The following BTBD3 variants were observed in gnomAD, a reference collection of about 807,000 sequenced individuals.
BTBD3 encodes BTB/POZ domain-containing protein 3.
Under a neutral mutation model 41.6 loss-of-function variants are expected in BTBD3, and 14 were observed. That is an observed-to-expected ratio of 0.34 (90% CI 0.22 to 0.53). BTBD3 has a LOEUF of 0.53. BTBD3 is among the 20% of genes least tolerant of loss of function. The pLI is 0.95. For synonymous variants in BTBD3, 249 were observed against 233.7 expected (o/e 1.07, Z -0.60); for missense variants, 426 against 654.7 (o/e 0.65, Z 3.81).
At chr20:11,920,014 T>C (rs549059867) in intron 3 of BTBD3, among the ~76,000 whole-genome samples, 178 bp downstream of exon 3, 9 of 152,350 alleles carry the variant, frequency 5.9e-5, no homozygotes, top group African/African-American at 2.2e-4. Context: ...GGAAAGCATA[T>C]GGAATTATGC....
At chr20:11,897,652 G>A (rs987497914) in intron 1 of BTBD3, among the ~76,000 whole-genome samples, 9 of 152,082 alleles carry the variant, frequency 5.9e-5, no homozygotes, top group Admixed American at 5.9e-4. Flanking sequence ...CTTTGTCCAA[G>A]TCTCCTGCAT....
chr20:11,919,246 A>G, intron 2 of BTBD3, 70 bp downstream of exon 2: 4 of 1,471,468 alleles, frequency 2.7e-6, no homozygotes, highest in Non-Finnish European at 2.8e-6. Flanking sequence ...TAAGCCTGTA[A>G]CTTGGTGTGG....
At chr20:11,897,749 A>G (rs1415754790) in intron 1 of BTBD3, among the ~76,000 whole-genome samples, 1 of 152,096 alleles carries the variant, frequency 6.6e-6, no homozygotes, top group Admixed American at 6.5e-5. Flanking sequence ...TTGATTTTCC[A>G]TCTGCTTAAC....
chr20:11,907,717 G>C (rs2056864127), intron 1 of BTBD3, among the ~76,000 whole-genome samples: 1 of 152,292 alleles, frequency 6.6e-6, no homozygotes, highest in South Asian at 2.1e-4. Context: ...TTATACGTAG[G>C]GTTGTACAGA....
intron 1 of BTBD3, among the ~76,000 whole-genome samples, chr20:11,911,147 A>G (rs1034020976): frequency 2.5e-4 from 3 of 12,214 alleles, no homozygotes; most frequent in African/African-American, 6.2e-4. Context: ...TAAGAAAGGA[A>G]AAAAAAAAGC....
chr20:11,919,928 A>C (rs969447929), intron 3 of BTBD3, 92 bp downstream of exon 3: 12 of 1,083,278 alleles, frequency 1.1e-5, no homozygotes, highest in African/African-American at 4.7e-5. Context: ...TGCATAACAG[A>C]AAAGAAGACT....
At chr20:11,908,746 T>C (rs980972405) in intron 1 of BTBD3, among the ~76,000 whole-genome samples, 1 of 152,200 alleles carries the variant, frequency 6.6e-6, no homozygotes. Flanking sequence ...ATTTTTATTC[T>C]GATTATAATA....
intron 1 of BTBD3, among the ~76,000 whole-genome samples, chr20:11,907,906 CAG>C (rs1308264925): frequency 6.6e-6 from 1 of 152,162 alleles, no homozygotes; most frequent in African/African-American, 2.4e-5. Context: ...AAAGGTGAGA[CAG>C]AATTTCTTCC....
chr20:11,908,321 G>GTTTTTT (rs3834758), intron 1 of BTBD3, among the ~76,000 whole-genome samples: 802 of 76,974 alleles, frequency 0.01, 77 homozygotes, highest in African/African-American at 0.032. Context: ...CTTCTCTGTG[G>GTTTTTT]TTTTTTTTTT....
At chr20:11,898,699 C>T (rs1434062979) in intron 1 of BTBD3, among the ~76,000 whole-genome samples, 1 of 152,120 alleles carries the variant, frequency 6.6e-6, no homozygotes, top group Non-Finnish European at 1.5e-5. Flanking sequence ...TCCCATAAAG[C>T]AACACATGCA....
chr20:11,898,590 T>C (rs2056804685), intron 1 of BTBD3, among the ~76,000 whole-genome samples: 2 of 152,222 alleles, frequency 1.3e-5, no homozygotes, highest in Non-Finnish European at 2.9e-5. Context: ...GTATGTTTAT[T>C]AATGTGTCCT....
intron 1 of BTBD3, among the ~76,000 whole-genome samples, chr20:11,909,234 A>G (rs2056874913): frequency 6.7e-6 from 1 of 149,208 alleles, no homozygotes; most frequent in Admixed American, 6.8e-5. Context: ...AGATTGTGCC[A>G]TTGTGCTCCA....
intron 1 of BTBD3, chr20:11,909,791 C>T (rs542183202): frequency 6.6e-6 from 1 of 152,160 alleles, no homozygotes; most frequent in Admixed American, 6.6e-5. Context: ...CAAAACAAAA[C>T]AACAAAATAA....
At chr20:11,906,253 C>CTTTTTTT (rs1568610658) in intron 1 of BTBD3, among the ~76,000 whole-genome samples, 3 of 37,346 alleles carry the variant, frequency 8.0e-5, no homozygotes, top group Non-Finnish European at 1.3e-4. Context: ...TATTATTACT[C>CTTTTTTT]CTTTTTTTTT....
chr20:11,908,816 A>C (rs941869653), intron 1 of BTBD3, among the ~76,000 whole-genome samples: 1 of 152,274 alleles, frequency 6.6e-6, no homozygotes, highest in East Asian at 1.9e-4. Flanking sequence ...TATTTCCTGC[A>C]GCAAATGGTG....
At position 11,918,263 on chromosome 20, in the gene BTBD3, A is replaced by G. The variant is rs1326947893; in HGVS notation, c.-13A>G. 2 of 1,545,186 alleles carry G rather than the reference A, an allele frequency of 1.3e-6. No homozygotes were observed. Among genetic ancestry groups the G allele is most frequent in the Admixed American group, 4.1e-5 (2 of 48,210 alleles). ...TTGGGATATCTAACTCTAAAGAGAG[A>G]CACACTGTACTCATGGTAGATGACA... On this transcript the variant is annotated 5_prime_UTR_variant, in exon 1 of 4. Coordinates refer to ENST00000378226, the MANE Select transcript of BTBD3 (RefSeq NM_014962.4).
chr20:11,921,580 C>T (rs1379790874), intron 3 of BTBD3: 2 of 152,342 alleles, frequency 1.3e-5, no homozygotes, highest in South Asian at 2.1e-4. Flanking sequence ...CATCACTGAG[C>T]CGCAGGTGTA....
At chr20:11,902,941 G>GT (rs908054174) in intron 1 of BTBD3, among the ~76,000 whole-genome samples, 28 of 151,460 alleles carry the variant, frequency 1.8e-4, no homozygotes, top group African/African-American at 6.3e-4. Context: ...CAGTTCATCT[G>GT]TTTTTTTTAA....
chr20:11,919,123 G>T lies in BTBD3; in HGVS notation c.364G>T (p.Val122Leu). ...GTTCAATAATGATTTGATGGCAGAT[G>T]TACATTTTGTGGTTGGGCCACCAGG... ...MMFNNDLMAD[V>L]HFVVGPPGGT... Residue 122 changes from valine to leucine, a missense_variant, in exon 2 of 4, where the codon GTA becomes TTA. Val to Leu is a conservative substitution (Grantham distance 32). Coordinates refer to ENST00000378226, the MANE Select transcript of BTBD3 (RefSeq NM_014962.4). 1.9e-6 allele frequency: 3 copies of T among 1,613,796 alleles called. No homozygotes were observed. Among genetic ancestry groups the T allele is most frequent in the Non-Finnish European group, 1.7e-6 (2 of 1,179,816 alleles).
Sources: gnomAD v4.1 joint callset for allele counts (sites outside exome capture counted in the v4.1 genomes callset) on GRCh38, gnomAD v4.1.1 for gene constraint, MANE v1.5 for transcripts, NCBI Gene and HGNC (gene_info 2026-07-23, HGNC 2026-07-21) for gene names.